The following GRIK2 variants were observed in gnomAD, a reference collection of about 807,000 sequenced individuals.
GRIK2 encodes the protein glutamate ionotropic receptor kainate type subunit 2, also known as glutamate receptor ionotropic, kainate 2.
In GRIK2, 32 loss-of-function variants were observed where a neutral mutation model predicts 100.3. The ratio of observed to expected loss-of-function variants is 0.32; its 90% CI spans 0.24 to 0.43. GRIK2 has a LOEUF of 0.43. Among genes scored for constraint, GRIK2 ranks in the 20% least tolerant of loss-of-function variants. The probability of loss-of-function intolerance (pLI) is 1.00; values close to 1 mark genes in which losing one functional copy is unlikely to be tolerated. For synonymous variants in GRIK2, 417 were observed against 389.4 expected, an observed-to-expected ratio of 1.07 and a Z score of -0.83; for missense variants, 843 against 1,114.9, an observed-to-expected ratio of 0.76 and a Z score of 3.47.
At chr6:101,867,223 A>T (rs1785108287) in intron 11 of GRIK2, among the ~76,000 whole-genome samples, 1 of 151,916 alleles carries the variant, frequency 6.6e-6, no homozygotes. Flanking sequence ...AAATTCTGCT[A>T]CAACATGTAT....
intron 7 of GRIK2, among the ~76,000 whole-genome samples, chr6:101,762,482 C>G (rs78207756): frequency 0.057 from 8,687 of 152,122 alleles, 653 homozygotes; most frequent in African/African-American, 0.18. Context: ...ATAATCCTGC[C>G]TGAGCCTCCC....
intron 16 of GRIK2, among the ~76,000 whole-genome samples, chr6:102,066,705 A>G (rs1772033909): frequency 6.6e-6 from 1 of 151,470 alleles, no homozygotes; most frequent in South Asian, 2.1e-4. Context: ...GGGAAGGGAG[A>G]AGAGGGCTAG....
intron 7 of GRIK2, among the ~76,000 whole-genome samples, chr6:101,717,971 C>G (rs10485274): frequency 0.019 from 2,862 of 151,830 alleles, 68 homozygotes; most frequent in African/African-American, 0.057. Context: ...ATTAGCCATT[C>G]TTCTTAATAA....
At chr6:101,980,690 ATATC>A (rs1440710725) in intron 14 of GRIK2, among the ~76,000 whole-genome samples, 6 of 151,856 alleles carry the variant, frequency 4.0e-5, no homozygotes, top group African/African-American at 7.2e-5. Context: ...GGATTTCTAA[ATATC>A]TAATAAGATC....
At chr6:101,873,633 AT>A in intron 11 of GRIK2, among the ~76,000 whole-genome samples, 1 of 152,122 alleles carries the variant, frequency 6.6e-6, no homozygotes, top group Middle Eastern at 3.4e-3. Context: ...GCTGGGTCAA[AT>A]GGTATTTCTA....
rs533269325 is a variant in GRIK2, at chr6:101,415,009, T to TGG, written c.115+15618_115+15619insGG. Among the ~76,000 whole-genome samples, 269 of 151,214 alleles carry TGG rather than the reference T, an allele frequency of 1.8e-3. 3 individuals are homozygous for TGG. The highest frequency in any genetic ancestry group is 0.018 in the South Asian group (84 of 4,776). On this transcript the variant is annotated intron_variant, in intron 2 of 16. Transcript: ENST00000369134. ...GTGTATATGTGTGTGGTGTGTGGGGTGTGTGTGTGTGTTGTTATAAAGTAA... is the reference window on the plus strand; with the variant it reads ...GTGTATATGTGTGTGGTGTGTGGGGTGGGTGTGTGTGTGTTGTTATAAAGTAA...
At chr6:101,753,295 A>AAAAAAAAAAAAAAAAAAAAAAAAAGAAG (rs1562358335) in intron 7 of GRIK2, among the ~76,000 whole-genome samples, 1 of 151,272 alleles carries the variant, frequency 6.6e-6, no homozygotes, top group African/African-American at 2.4e-5. Context: ...AAAAAAAAAA[A>AAAAAAAAAAAAAAAAAAAAAAAAAGAAG]AAAAAAAGAA....
intron 2 of GRIK2, among the ~76,000 whole-genome samples, chr6:101,425,224 C>T (rs1266775863): frequency 6.6e-6 from 1 of 152,102 alleles, no homozygotes; most frequent in Non-Finnish European, 1.5e-5. Flanking sequence ...GGTTCTAGAT[C>T]CCTGAGGAAT....
intron 4 of GRIK2, among the ~76,000 whole-genome samples, chr6:101,635,576 G>C (rs1780965038): frequency 6.6e-6 from 1 of 152,004 alleles, no homozygotes; most frequent in Admixed American, 6.6e-5. Flanking sequence ...GCAACCTAGA[G>C]AATGGGAGAA....
chr6:101,939,512 A>G (rs1003583803), intron 14 of GRIK2, among the ~76,000 whole-genome samples: 1 of 152,110 alleles, frequency 6.6e-6, no homozygotes, highest in Non-Finnish European at 1.5e-5. Context: ...ACTCAGTTGC[A>G]TTCTCATTTC....
intron 12 of GRIK2, among the ~76,000 whole-genome samples, chr6:101,898,725 T>A (rs1787644879): frequency 6.6e-6 from 1 of 152,012 alleles, no homozygotes; most frequent in African/African-American, 2.4e-5. Context: ...AATTATTAGC[T>A]ACGTGTATTA....
intron 14 of GRIK2, among the ~76,000 whole-genome samples, chr6:101,944,571 A>G (rs891011985): frequency 1.3e-5 from 2 of 152,204 alleles, no homozygotes; most frequent in Non-Finnish European, 2.9e-5. Flanking sequence ...TCAAAGATGC[A>G]TGAAATTAAA....
chr6:101,676,546 T>C (rs75585276), intron 4 of GRIK2, 77 bp from the exon 5 acceptor site: 1 of 804,544 alleles, frequency 1.2e-6, no homozygotes, highest in Non-Finnish European at 1.9e-6. Flanking sequence ...TACATTCTAA[T>C]GAGTGTTTTC....
At chr6:101,404,318 C>G (rs1269036266) in intron 2 of GRIK2, among the ~76,000 whole-genome samples, 1 of 152,184 alleles carries the variant, frequency 6.6e-6, no homozygotes, top group Admixed American at 6.5e-5. Context: ...CATTGATTAT[C>G]AAAGCCTTTT....
At chr6:101,550,613 T>C (rs1316434024) in intron 2 of GRIK2, among the ~76,000 whole-genome samples, 2 of 152,300 alleles carry the variant, frequency 1.3e-5, no homozygotes, top group East Asian at 3.9e-4. Context: ...GGTTCCGAGC[T>C]GTCTTCAATT....
intron 14 of GRIK2, among the ~76,000 whole-genome samples, chr6:101,966,463 T>C (rs1356799288): frequency 6.6e-6 from 1 of 152,150 alleles, no homozygotes; most frequent in African/African-American, 2.4e-5. Flanking sequence ...CTGGAGTTCC[T>C]GTAAGAAAAT....
rs1772768248 is a variant in GRIK2 at position 101,699,984 on chromosome 6, A to G, written c.951+13631A>G. 2.0e-5 allele frequency among the ~76,000 whole-genome samples: 3 copies of G among 151,970 alleles called. 1 individual carries two copies. The South Asian group carries it at 6.2e-4, about 32-fold the overall frequency. ...CAACATACTGAGACTCCGTTTCTACAAACAAAATGGAAAAAATTAGCCTGG... is the reference window on the plus strand; with the variant it reads ...CAACATACTGAGACTCCGTTTCTACGAACAAAATGGAAAAAATTAGCCTGG... On this transcript the variant is annotated intron_variant, in intron 7 of 16. Transcript: ENST00000369134.
intron 9 of GRIK2, among the ~76,000 whole-genome samples, chr6:101,814,065 A>G (rs1051515372): frequency 5.9e-5 from 9 of 152,114 alleles, no homozygotes; most frequent in Non-Finnish European, 1.3e-4. Flanking sequence ...TTCAATTTTT[A>G]TGGCTGAATA....
intron 2 of GRIK2, among the ~76,000 whole-genome samples, chr6:101,559,449 T>C (rs1307378461): frequency 6.6e-6 from 1 of 152,092 alleles, no homozygotes; most frequent in Admixed American, 6.6e-5. Context: ...AATGATTAAT[T>C]GCAACCTCTC....
Sources: gnomAD v4.1 joint callset for allele counts (sites outside exome capture counted in the v4.1 genomes callset) on GRCh38, gnomAD v4.1.1 for gene constraint, MANE v1.5 for transcripts, NCBI Gene and HGNC (gene_info 2026-07-23, HGNC 2026-07-21) for gene names.